Variants in FAM120B observed in about 807,000 individuals in gnomAD.
FAM120B encodes the protein constitutive coactivator of peroxisome proliferator-activated receptor gamma.
FAM120B carries 83 observed loss-of-function variants against 96.3 expected under a neutral mutation model. The ratio of observed to expected loss-of-function variants is 0.86; its 90% CI spans 0.72 to 1.03. The LOEUF (loss-of-function observed/expected upper bound fraction) is 1.03. Ranked by LOEUF, FAM120B falls within the 50% of genes least tolerant of loss-of-function variation. The probability of loss-of-function intolerance (pLI) is 0.00; values close to 1 mark genes in which losing one functional copy is unlikely to be tolerated. For synonymous variants in FAM120B, 407 were observed against 402.7 expected (o/e 1.01, Z -0.13); for missense variants, 1,027 against 1,121.2 (o/e 0.92, Z 1.20).
chr6:170,321,973 G>A lies in FAM120B; in HGVS notation c.1735-1106G>A, dbSNP rs73034909. Among the ~76,000 whole-genome samples the A allele has an allele frequency of 7.4e-3, 1,126 of 152,304 alleles. 7 individuals carry two copies. The highest frequency in any genetic ancestry group is 0.024 in the Middle Eastern group (7 of 294). On this transcript the variant is annotated intron_variant, in intron 2 of 10. Coordinates refer to ENST00000476287, the MANE Select transcript of FAM120B (RefSeq NM_032448.3). ...CTAGCATCACATTTTAATGCCTTTA[G>A]TAGTAGACTGGATTTAAATTTTGAA...
chr6:170,393,494 A>G (rs1204810082), intron 8 of FAM120B, among the ~76,000 whole-genome samples: 2 of 152,236 alleles, frequency 1.3e-5, no homozygotes, highest in Non-Finnish European at 2.9e-5. Flanking sequence ...GTCCTGTCAT[A>G]TTATTCCAAG....
chr6:170,304,787 C>G (rs546835021), upstream of FAM120B, among the ~76,000 whole-genome samples: 76 of 152,192 alleles, frequency 5.0e-4, no homozygotes, highest in African/African-American at 1.7e-3. Context: ...TCTTCTAACC[C>G]TTTGTCAGAT....
intron 1 of FAM120B, among the ~76,000 whole-genome samples, chr6:170,296,948 C>T (rs923879051): frequency 6.6e-6 from 1 of 152,228 alleles, no homozygotes; most frequent in Non-Finnish European, 1.5e-5. Context: ...GCGGACGGGC[C>T]GTGCCCACCA....
intron 3 of FAM120B, among the ~76,000 whole-genome samples, chr6:170,326,104 G>A (rs774847197): frequency 6.6e-6 from 1 of 152,020 alleles, no homozygotes; most frequent in Non-Finnish European, 1.5e-5. Context: ...ACAGGAAGTT[G>A]CAAGAATAGT....
chr6:170,344,012 T>G (rs1787010423), intron 4 of FAM120B, among the ~76,000 whole-genome samples: 1 of 148,992 alleles, frequency 6.7e-6, no homozygotes, highest in South Asian at 2.2e-4. Flanking sequence ...GTTCAGTCCA[T>G]TCACCTGCAC....
At chr6:170,332,957 C>T (rs1401509983) in intron 4 of FAM120B, among the ~76,000 whole-genome samples, 2 of 151,876 alleles carry the variant, frequency 1.3e-5, no homozygotes, top group Non-Finnish European at 2.9e-5. Flanking sequence ...TGATTTAATG[C>T]TTGCTTTCCT....
In FAM120B at chr6:170,317,832, C is replaced by G; in HGVS notation, c.442C>G (p.Leu148Val). 1 of 1,614,244 alleles carries G rather than the reference C, an allele frequency of 6.2e-7. No homozygotes were observed. The highest frequency in any genetic ancestry group is 8.5e-7 in the Non-Finnish European group (1 of 1,180,040). The part of the protein sequence containing the change: ...AVFTRFALKT[L>V]GQETLCSLQE... ...GTTTACACGATTTGCTCTAAAGACA[C>G]TGGGCCAGGAAACTTTGTGTTCTTT... The change falls in exon 2 of 11, where the codon CTG becomes GTG. Residue 148 changes from leucine (L) to valine (V), a missense_variant. Leu to Val is a conservative substitution (Grantham distance 32). Around this residue, in one of 3 missense-constraint regions of FAM120B, gnomAD observed 880 missense variants for 980.9 expected, o/e 0.90. Transcript: ENST00000476287.
Position 170,370,466 on chromosome 6 carries a change from G to A in FAM120B, c.2283+12148G>A, listed in dbSNP as rs1583280908. Among the ~76,000 whole-genome samples, 1 of 152,114 alleles carries A rather than the reference G, an allele frequency of 6.6e-6. No individual in the cohort carries two copies. The highest frequency in any genetic ancestry group is 2.4e-5 in the African/African-American group (1 of 41,388). On this transcript the variant is annotated intron_variant, in intron 6 of 10. Coordinates refer to ENST00000476287, the MANE Select transcript of FAM120B (RefSeq NM_032448.3). The surrounding 1 kb of genome is among the most constrained non-coding windows in gnomAD (Gnocchi z 4.3). ...TTCTCTGTGCCCCTGGCTTCCTCTC[G>A]CCTTTCCTGGTTCCAGGAGCTGCTG...
Position 170,380,453 on chromosome 6 carries a change from A to G in FAM120B, c.2284-7834A>G, listed in dbSNP as rs539082412. ...ACTGTTTTCTATAATGGCTGTGCCA[A>G]TTTACATGCCCACCAACAGTGTACA... is the stretch of plus-strand genomic sequence containing the variant. On this transcript the variant is annotated intron_variant, in intron 6 of 10. Transcript: ENST00000476287. Among the ~76,000 whole-genome samples the G allele has an allele frequency of 5.3e-5, 8 of 152,290 alleles. No homozygotes were observed. In the East Asian group the frequency reaches 1.2e-3, roughly 22 times the overall value.
At chr6:170,377,242 A>G (rs1173029887) in intron 6 of FAM120B, among the ~76,000 whole-genome samples, 1 of 99,624 alleles carries the variant, frequency 1.0e-5, no homozygotes, top group Non-Finnish European at 1.9e-5. Flanking sequence ...CTAATCCCAG[A>G]TGCCTGGGAG....
intron 1 of FAM120B, among the ~76,000 whole-genome samples, chr6:170,300,377 A>ACCTCCCAGAAACTT: frequency 6.6e-6 from 1 of 152,034 alleles, no homozygotes; most frequent in South Asian, 2.1e-4. Flanking sequence ...GATTCAATTA[A>ACCTCCCAGAAACTT]CCTCCCAGAA....
At position 170,307,841 on chromosome 6, in the gene FAM120B, C is replaced by T. The variant is rs144500241; in HGVS notation, c.-22+999C>T. On this transcript the variant is annotated intron_variant, in intron 1 of 10. Transcript: ENST00000476287. ...ACCCCGAAATGGTAGTGGAGAGAACCTGGAGGTAAAGAAGTGAGAGGGTAG... is the reference window on the plus strand; with the variant it reads ...ACCCCGAAATGGTAGTGGAGAGAACTTGGAGGTAAAGAAGTGAGAGGGTAG... Among the ~76,000 whole-genome samples, 5 of 152,252 alleles carry T rather than the reference C, an allele frequency of 3.3e-5. No homozygotes were observed. The East Asian group carries it at 9.7e-4, about 29-fold the overall frequency.
At chr6:170,294,320 G>A (rs1376470093), upstream of FAM120B, among the ~76,000 whole-genome samples, 2 of 152,168 alleles carry the variant, frequency 1.3e-5, no homozygotes, top group African/African-American at 4.8e-5. The surrounding 1 kb of genome is among the most constrained non-coding windows in gnomAD (Gnocchi z 7.9). Flanking sequence ...GGGCTTAGAA[G>A]GCACCCAATA....
At chr6:170,313,103 G>C (rs182606255) in intron 1 of FAM120B, among the ~76,000 whole-genome samples, 2 of 152,228 alleles carry the variant, frequency 1.3e-5, no homozygotes, top group African/African-American at 4.8e-5. Flanking sequence ...CCTGTATGGA[G>C]ATCATCTGAA....
rs1360082285 is a variant in FAM120B at position 170,295,389 on chromosome 6, G to A, written c.-17G>A. ...TTCGTCACAGCCTGGAAAAGGGAGG[G>A]GGCATCGATCTGGTTTATGTTTGGA... On this transcript the variant is annotated 5_prime_UTR_variant, in exon 1 of 11. Coordinates refer to the FAM120B transcript ENST00000537664. This position sits in a 1 kb window ranked among gnomAD's most constrained non-coding sequence, Gnocchi z 7.8. The A allele has an allele frequency of 5.7e-6, 4 of 700,976 alleles. No individual in the cohort carries two copies. Among genetic ancestry groups the A allele is most frequent in the African/African-American group, 5.3e-5 (3 of 57,040 alleles). 43.4% of individuals were successfully genotyped at this position (700,976 alleles called of 1,614,324 possible).
chr6:170,346,046 T>A (rs1366215138), intron 4 of FAM120B, among the ~76,000 whole-genome samples: 5 of 152,178 alleles, frequency 3.3e-5, no homozygotes, highest in African/African-American at 4.8e-5. Flanking sequence ...ATGTAAACAT[T>A]CCTAAACATA....
At chr6:170,305,280 TAAGAC>T (rs759139069), upstream of FAM120B, among the ~76,000 whole-genome samples, 2 of 152,220 alleles carry the variant, frequency 1.3e-5, no homozygotes, top group African/African-American at 2.4e-5. Context: ...GAGCACTCCT[TAAGAC>T]TAGAGGTCAT....
intron 8 of FAM120B, among the ~76,000 whole-genome samples, chr6:170,392,233 G>A (rs1479362044): frequency 6.6e-6 from 1 of 152,080 alleles, no homozygotes; most frequent in Non-Finnish European, 1.5e-5. Flanking sequence ...TTGAGATGGA[G>A]TTTCACTCTT....
Position 170,363,182 on chromosome 6 carries a change from C to T in FAM120B, c.2283+4864C>T, listed in dbSNP as rs563240180. ...TCTGACTGTTAGGGAATTCTGGCTCCGTCTCTTACACACTGAGAACTCCAT... is the reference window on the plus strand; with the variant it reads ...TCTGACTGTTAGGGAATTCTGGCTCTGTCTCTTACACACTGAGAACTCCAT... On this transcript the variant is annotated intron_variant, in intron 6 of 10. Transcript: ENST00000476287. The surrounding 1 kb of genome is among the most constrained non-coding windows in gnomAD (Gnocchi z 4.5). 3.3e-5 allele frequency among the ~76,000 whole-genome samples: 5 copies of T among 152,276 alleles called. No homozygotes were observed. The South Asian group carries it at 6.2e-4, about 19-fold the overall frequency.
Sources: gnomAD v4.1 joint callset for allele counts (sites outside exome capture counted in the v4.1 genomes callset) on GRCh38, gnomAD v4.1.1 for gene constraint, gnomAD v4.1.1 regional missense constraint, Gnocchi (gnomAD v3.1) non-coding constraint, MANE v1.5 for transcripts, NCBI Gene and HGNC (gene_info 2026-07-23, HGNC 2026-07-21) for gene names.